Variants in LIPC observed in about 807,000 individuals in gnomAD.
The protein encoded by LIPC is lipase C, hepatic type, also known as hepatic triacylglycerol lipase.
In LIPC, 44 loss-of-function variants were observed where a neutral mutation model predicts 50.7. The observed-to-expected ratio is 0.87, with a 90% CI of 0.68 to 1.11. The LOEUF is 1.11. Ranked by LOEUF, LIPC falls within the 50% of genes most tolerant of loss-of-function variation. LIPC has a pLI of 0.00. For missense variants in LIPC, 697 were observed against 648.2 expected, an observed-to-expected ratio of 1.08 and a Z score of -0.82; for synonymous variants, 271 against 256.4, an observed-to-expected ratio of 1.06 and a Z score of -0.54.
chr15:58,547,789 C>T (rs113031431), intron 5 of LIPC, among the ~76,000 whole-genome samples: 3 of 152,026 alleles, frequency 2.0e-5, no homozygotes, highest in Admixed American at 6.6e-5. Flanking sequence ...GCAATGGCTG[C>T]TTTGGGACAC....
At chr15:58,565,613 T>A in intron 8 of LIPC, 1 of 1,071,328 alleles carries the variant, frequency 9.3e-7, no homozygotes, top group Non-Finnish European at 1.1e-6. Flanking sequence ...TTGAGGACAT[T>A]GCTCAAAATT....
chr15:58,433,704 T>G (rs1188490369), intron 1 of LIPC, among the ~76,000 whole-genome samples: 1 of 152,206 alleles, frequency 6.6e-6, no homozygotes, highest in Non-Finnish European at 1.5e-5. Context: ...CCCCCAGGCT[T>G]CTGGGTATTG....
intron 1 of LIPC, among the ~76,000 whole-genome samples, chr15:58,517,459 G>T (rs912222216): frequency 6.6e-6 from 1 of 152,216 alleles, no homozygotes; most frequent in African/African-American, 2.4e-5. Flanking sequence ...TGCTAAAAAG[G>T]CCCTGCTTTT....
chr15:58,488,628 G>A (rs1044892225), intron 1 of LIPC, among the ~76,000 whole-genome samples: 3 of 152,194 alleles, frequency 2.0e-5, no homozygotes, highest in Non-Finnish European at 4.4e-5. Context: ...AAAAGTGTCC[G>A]AAGTACAGCC....
chr15:58,459,199 C>G (rs1458745706), intron 1 of LIPC, among the ~76,000 whole-genome samples: 1 of 152,126 alleles, frequency 6.6e-6, no homozygotes, highest in East Asian at 1.9e-4. Flanking sequence ...GATGGCCTCC[C>G]TCACTGCAAG....
chr15:58,482,790 G>T (rs1891237247), intron 1 of LIPC, among the ~76,000 whole-genome samples: 1 of 152,200 alleles, frequency 6.6e-6, no homozygotes, highest in South Asian at 2.1e-4. Flanking sequence ...TCATGATCAA[G>T]ACCAGTCCTC....
intron 1 of LIPC, among the ~76,000 whole-genome samples, chr15:58,492,913 A>C (rs1347877379): frequency 1.3e-5 from 2 of 152,178 alleles, no homozygotes; most frequent in Non-Finnish European, 2.9e-5. Context: ...GCAGGATTAC[A>C]TCAGAGCTTA....
intron 1 of LIPC, chr15:58,474,023 T>C (rs1416510788): frequency 1.3e-5 from 2 of 152,262 alleles, no homozygotes; most frequent in Non-Finnish European, 2.9e-5. Flanking sequence ...ATCAGGTACA[T>C]GTGCCCACTC....
At chr15:58,542,414 T>C (rs1893362271) in intron 3 of LIPC, 120 bp from the exon 4 acceptor site, 1 of 768,806 alleles carries the variant, frequency 1.3e-6, no homozygotes, top group South Asian at 1.4e-5. Context: ...GGAGTGTGAA[T>C]AAGGCACCTC....
At chr15:58,566,343 A>AG in intron 8 of LIPC, 1 of 985,370 alleles carries the variant, frequency 1.0e-6, no homozygotes, top group South Asian at 4.7e-5. Context: ...CTCCAGTGTC[A>AG]GCCAGTCCTA....
intron 1 of LIPC, among the ~76,000 whole-genome samples, chr15:58,516,982 T>C (rs570429489): frequency 6.6e-6 from 1 of 152,376 alleles, no homozygotes; most frequent in South Asian, 2.1e-4. Context: ...TGCAGTTAAA[T>C]TACTTGGAAA....
intron 1 of LIPC, among the ~76,000 whole-genome samples, chr15:58,512,990 A>G (rs1892378093): frequency 6.6e-6 from 1 of 152,148 alleles, no homozygotes; most frequent in African/African-American, 2.4e-5. Flanking sequence ...AAGTACATAG[A>G]AAAGGAGACA....
intron 1 of LIPC, among the ~76,000 whole-genome samples, chr15:58,434,052 G>A (rs993281848): frequency 6.6e-6 from 1 of 152,198 alleles, no homozygotes; most frequent in Non-Finnish European, 1.5e-5. Context: ...GGGACACTTG[G>A]CAATGTCTGG....
intron 6 of LIPC, among the ~76,000 whole-genome samples, chr15:58,557,953 C>T (rs1383502222): frequency 6.6e-6 from 1 of 152,146 alleles, no homozygotes; most frequent in Non-Finnish European, 1.5e-5. Flanking sequence ...TTGACAAACC[C>T]CCAAATAGTG....
chr15:58,519,773 C>G (rs1201450429), intron 1 of LIPC, among the ~76,000 whole-genome samples: 1 of 152,228 alleles, frequency 6.6e-6, no homozygotes, highest in African/African-American at 2.4e-5. Context: ...TTGGCATCAG[C>G]AGCCCTTGCT....
chr15:58,491,745 A>G (rs1485113457), intron 1 of LIPC, among the ~76,000 whole-genome samples: 3 of 152,162 alleles, frequency 2.0e-5, no homozygotes, highest in Non-Finnish European at 4.4e-5. Context: ...GGAAACTGCC[A>G]TTGCCTGACC....
chr15:58,484,393 C>T (rs1400981237), intron 1 of LIPC, among the ~76,000 whole-genome samples: 1 of 152,210 alleles, frequency 6.6e-6, no homozygotes, highest in Non-Finnish European at 1.5e-5. Context: ...TCTGACTAAA[C>T]ACAACATCAT....
chr15:58,538,059 T>C (rs1566943062), intron 1 of LIPC, among the ~76,000 whole-genome samples: 1 of 152,174 alleles, frequency 6.6e-6, no homozygotes, highest in Non-Finnish European at 1.5e-5. Context: ...ATATTCCTTA[T>C]GACCTAGAGG....
At chr15:58,552,084 C>T (rs765743981) in intron 6 of LIPC, among the ~76,000 whole-genome samples, 7 of 152,172 alleles carry the variant, frequency 4.6e-5, no homozygotes, top group African/African-American at 7.2e-5. Flanking sequence ...GGGAGGGAAA[C>T]GGATCTGTAC....
Sources: allele counts gnomAD v4.1 joint callset (sites outside exome capture counted in the v4.1 genomes callset), GRCh38; gene constraint gnomAD v4.1.1; transcripts MANE v1.5; gene names NCBI Gene and HGNC (gene_info 2026-07-23, HGNC 2026-07-21).